TOP6BL: variants seen among roughly 807,000 people sequenced by gnomAD.
TOP6BL encodes the protein TOP6B like initiator of meiotic double strand breaks.
At chr11:66,838,501 G>GT in the TOP6BL span, 2 of 1,515,112 alleles carry the variant, frequency 1.3e-6, no homozygotes, top group Middle Eastern at 1.7e-4. Context: ...AGTAAAAAAC[G>GT]TGAGTTCAAA....
chr11:66,757,769 G>T, the TOP6BL span, among the ~76,000 whole-genome samples: 1 of 151,974 alleles, frequency 6.6e-6, no homozygotes, highest in Non-Finnish European at 1.5e-5. Context: ...GTTATTTTTA[G>T]TAGAGATGGG....
chr11:66,793,438 TTTTTTG>T, the TOP6BL span, among the ~76,000 whole-genome samples: 2 of 147,426 alleles, frequency 1.4e-5, no homozygotes, highest in Non-Finnish European at 3.0e-5. Flanking sequence ...AATTTTTTCT[TTTTTTG>T]TTTTTTTTTT....
chr11:66,829,480 C>T, the TOP6BL span, among the ~76,000 whole-genome samples: 1 of 151,806 alleles, frequency 6.6e-6, no homozygotes, highest in Admixed American at 6.6e-5. Context: ...GAGGCTGAGG[C>T]AGGAGAATTG....
the TOP6BL span, among the ~76,000 whole-genome samples, chr11:66,769,448 T>TAA: frequency 8.1e-6 from 1 of 122,994 alleles, no homozygotes; most frequent in African/African-American, 3.0e-5. Context: ...CAATTATACC[T>TAA]AAAAAAAAAA....
At chr11:66,813,491 T>C in the TOP6BL span, among the ~76,000 whole-genome samples, 1 of 152,148 alleles carries the variant, frequency 6.6e-6, no homozygotes, top group Non-Finnish European at 1.5e-5. Context: ...TCCCAGCACT[T>C]TGGGAGGCCG....
chr11:66,748,269 A>G, the TOP6BL span: 3 of 858,980 alleles, frequency 3.5e-6, no homozygotes, highest in African/African-American at 5.2e-5. Context: ...AAGCAAGAAT[A>G]CAATTTTTGG....
the TOP6BL span, among the ~76,000 whole-genome samples, chr11:66,835,015 T>C: frequency 1.1e-4 from 14 of 131,840 alleles, no homozygotes; most frequent in Admixed American, 6.0e-4. Context: ...AGGAAAGGCA[T>C]TGTTTCCGGC....
At chr11:66,799,080 GCCT>G in the TOP6BL span, among the ~76,000 whole-genome samples, 1 of 151,854 alleles carries the variant, frequency 6.6e-6, no homozygotes, top group African/African-American at 2.4e-5. Flanking sequence ...GGTGGCGCAC[GCCT>G]GTAATCCCAG....
chr11:66,818,357 C>T, the TOP6BL span, among the ~76,000 whole-genome samples: 1 of 152,090 alleles, frequency 6.6e-6, no homozygotes, highest in Non-Finnish European at 1.5e-5. Flanking sequence ...TTTCCTGGGG[C>T]TCTGGCTTGT....
chr11:66,755,631 G>A, the TOP6BL span, among the ~76,000 whole-genome samples: 2 of 152,298 alleles, frequency 1.3e-5, no homozygotes, highest in African/African-American at 4.8e-5. Flanking sequence ...TAGGGCTGCT[G>A]TAACAAAGTA....
the TOP6BL span, among the ~76,000 whole-genome samples, chr11:66,752,078 A>AT: frequency 6.7e-6 from 1 of 150,222 alleles, no homozygotes; most frequent in Non-Finnish European, 1.5e-5. Flanking sequence ...CTTCATCATT[A>AT]TTCAGAGTGT....
At chr11:66,843,076 G>T in the TOP6BL span, 1 of 1,579,212 alleles carries the variant, frequency 6.3e-7, no homozygotes, top group South Asian at 1.1e-5. Flanking sequence ...GGAGGTAACT[G>T]GGCGAGGGCC....
chr11:66,821,538 G>C, the TOP6BL span: 1 of 1,312,444 alleles, frequency 7.6e-7, no homozygotes, highest in South Asian at 1.4e-5. Flanking sequence ...GCCTCCCAAA[G>C]TGCTGGGATT....
the TOP6BL span, chr11:66,843,487 T>A: frequency 6.8e-7 from 1 of 1,475,078 alleles, no homozygotes; most frequent in Non-Finnish European, 8.9e-7. Flanking sequence ...GGGCTGCGAC[T>A]GCTGTCGGTG....
At chr11:66,790,070 A>G in the TOP6BL span, among the ~76,000 whole-genome samples, 1 of 152,130 alleles carries the variant, frequency 6.6e-6, no homozygotes, top group Non-Finnish European at 1.5e-5. Context: ...CCGGAGATTG[A>G]GACCATCCTG....
chr11:66,812,193 T>TTTTTTTTTTTTC, the TOP6BL span, among the ~76,000 whole-genome samples: 2 of 151,124 alleles, frequency 1.3e-5, no homozygotes, highest in African/African-American at 4.9e-5. Flanking sequence ...ATCTTTTTTT[T>TTTTTTTTTTTTC]TGAGACGGAG....
chr11:66,749,516 G>A, the TOP6BL span, among the ~76,000 whole-genome samples: 5 of 152,106 alleles, frequency 3.3e-5, no homozygotes, highest in African/African-American at 9.6e-5. Flanking sequence ...CTAGAATAGG[G>A]GGCATTTCTC....
At chr11:66,759,240 A>G in the TOP6BL span, 1 of 553,946 alleles carries the variant, frequency 1.8e-6, no homozygotes, top group Non-Finnish European at 3.1e-6. Context: ...TGAATTTCAG[A>G]TAAATAATAA....
the TOP6BL span, among the ~76,000 whole-genome samples, chr11:66,753,174 T>G: frequency 6.6e-6 from 1 of 151,968 alleles, no homozygotes; most frequent in Admixed American, 6.6e-5. Context: ...ATAAAATGTT[T>G]AGTTTTCTTG....
Sources: allele counts gnomAD v4.1 joint callset (sites outside exome capture counted in the v4.1 genomes callset), GRCh38; gene constraint gnomAD v4.1.1; transcripts MANE v1.5; gene names NCBI Gene and HGNC (gene_info 2026-07-23, HGNC 2026-07-21).